Variants in IKZF2 observed in about 807,000 individuals in gnomAD.
IKZF2 encodes IKAROS family zinc finger 2.
IKZF2 carries 15 observed loss-of-function variants against 49.2 expected under a neutral mutation model. That is an observed-to-expected ratio of 0.30 (90% CI 0.20 to 0.47). IKZF2 has a LOEUF of 0.47. Ranked by LOEUF, IKZF2 falls within the 20% of genes least tolerant of loss-of-function variation. The pLI, the probability that IKZF2 is intolerant of heterozygous loss-of-function variation, is 1.00. For synonymous variants in IKZF2, 227 were observed against 221.4 expected (o/e 1.03, Z -0.23); for missense variants, 567 against 664.6 (o/e 0.85, Z 1.61).
intron 7 of IKZF2, among the ~76,000 whole-genome samples, chr2:213,016,484 C>G (rs1696617816): frequency 6.6e-6 from 1 of 152,120 alleles, no homozygotes; most frequent in South Asian, 2.1e-4. Context: ...TGTAACCAAT[C>G]TGATTTTGTT....
rs759426811 is a variant in IKZF2, at chr2:213,147,708, T to C, written c.139A>G (p.Thr47Ala). 1 of 1,610,166 alleles carries C rather than the reference T, an allele frequency of 6.2e-7. No individual in the cohort carries two copies. Among genetic ancestry groups the C allele is most frequent in the South Asian group, 1.1e-5 (1 of 91,034 alleles). Reference protein sequence around the residue: ...QHASPSHMTSTNSVKLEMQSD... With the variant: ...QHASPSHMTSANSVKLEMQSD... Reference sequence around the variant, plus strand: ...AAAAAATCATAAAATGAAGACTTACTGCTTGTCATGTGACTTGGTGAGGCA... The same window carrying C: ...AAAAAATCATAAAATGAAGACTTACCGCTTGTCATGTGACTTGGTGAGGCA... Residue 47 changes from threonine to alanine, a missense_variant and splice_region_variant, in exon 4 of 9, where the codon ACA (threonine) becomes GCA (alanine). Thr to Ala is a moderately conservative substitution (Grantham distance 58). Around this residue, in one of 5 missense-constraint regions of IKZF2, gnomAD observed 156 missense variants for 138.5 expected, o/e 1.13. Coordinates refer to ENST00000434687, the MANE Select transcript of IKZF2 (RefSeq NM_001387220.1).
intron 4 of IKZF2, among the ~76,000 whole-genome samples, chr2:213,065,674 A>C (rs536574485): frequency 1.3e-5 from 2 of 152,112 alleles, no homozygotes; most frequent in Non-Finnish European, 2.9e-5. Context: ...TCCTCATTTT[A>C]CAAATGAGGA....
chr2:213,082,285 T>C (rs1426619610), intron 4 of IKZF2, among the ~76,000 whole-genome samples: 1 of 152,202 alleles, frequency 6.6e-6, no homozygotes, highest in Admixed American at 6.5e-5. Flanking sequence ...TAAAGAATGA[T>C]CCTTACTCTC....
intron 5 of IKZF2, among the ~76,000 whole-genome samples, chr2:213,055,457 T>A (rs1701054171): frequency 1.3e-5 from 2 of 151,734 alleles, no homozygotes; most frequent in African/African-American, 4.8e-5. Flanking sequence ...AAAAAGGAGA[T>A]AAAAAACGAA....
At chr2:213,046,340 T>C (rs907288941) in intron 6 of IKZF2, among the ~76,000 whole-genome samples, 2 of 152,214 alleles carry the variant, frequency 1.3e-5, no homozygotes, top group African/African-American at 4.8e-5. Flanking sequence ...CAGAGGTCCC[T>C]AATACCTGCT....
chr2:213,075,588 A>G (rs1703165640), intron 4 of IKZF2, among the ~76,000 whole-genome samples: 1 of 152,140 alleles, frequency 6.6e-6, no homozygotes, highest in South Asian at 2.1e-4. Flanking sequence ...TCATTTGAGA[A>G]TCTGAATACA....
chr2:213,069,014 A>G (rs574634812), intron 4 of IKZF2, among the ~76,000 whole-genome samples: 205 of 152,036 alleles, frequency 1.3e-3, no homozygotes, highest in African/African-American at 4.7e-3. Context: ...AAAGTCCTTG[A>G]CTCAAATAAT....
chr2:213,046,709 T>C (rs539120715), intron 6 of IKZF2, among the ~76,000 whole-genome samples: 2 of 152,260 alleles, frequency 1.3e-5, no homozygotes, highest in South Asian at 4.1e-4. Context: ...TATGAGGATA[T>C]ATCCTTCAGA....
rs368331668 is a variant in IKZF2, at chr2:213,098,449, T to C, written c.140-41350A>G. Among the ~76,000 whole-genome samples the C allele has an allele frequency of 3.3e-4, 48 of 145,072 alleles. 1 individual carries two copies. The South Asian group carries it at 0.01, about 30-fold the overall frequency. On this transcript the variant is annotated intron_variant, in intron 4 of 8. Coordinates refer to ENST00000434687, the MANE Select transcript of IKZF2 (RefSeq NM_001387220.1). Reference sequence around the variant, plus strand: ...TGGCATTCAACCTTACACAAAATGATGGTAATCAACAAATGATCACCCTTA... The same window carrying C: ...TGGCATTCAACCTTACACAAAATGACGGTAATCAACAAATGATCACCCTTA...
At chr2:213,127,862 G>A (rs116787766) in intron 4 of IKZF2, among the ~76,000 whole-genome samples, 3,269 of 152,040 alleles carry the variant, frequency 0.022, 123 homozygotes, top group African/African-American at 0.075. Context: ...AAATATCCTA[G>A]GAACTAAAGA....
At chr2:213,150,718 T>A (rs1048956924) in intron 1 of IKZF2, among the ~76,000 whole-genome samples, 264 of 22,854 alleles carry the variant, frequency 0.012, no homozygotes, top group African/African-American at 0.013. Context: ...GGGGGGCGGG[T>A]AGAGGGGAGG....
intron 4 of IKZF2, among the ~76,000 whole-genome samples, chr2:213,110,158 T>C (rs1255906531): frequency 6.6e-6 from 1 of 151,988 alleles, no homozygotes; most frequent in Non-Finnish European, 1.5e-5. Context: ...AACTAATATT[T>C]ACTGTGGTTT....
intron 5 of IKZF2, among the ~76,000 whole-genome samples, chr2:213,055,482 TTGAC>T (rs1701057962): frequency 6.6e-6 from 1 of 152,202 alleles, no homozygotes; most frequent in East Asian, 1.9e-4. Flanking sequence ...CAAAATGTAA[TTGAC>T]TGTATGATTG....
chr2:213,096,140 A>C (rs1365331833), intron 4 of IKZF2, among the ~76,000 whole-genome samples: 1 of 151,966 alleles, frequency 6.6e-6, no homozygotes, highest in Non-Finnish European at 1.5e-5. Context: ...TTACTTGATC[A>C]AGAGAGCATC....
rs148502937 is a variant in IKZF2, at chr2:213,046,249, A to G, written c.574+3464T>C. Among the ~76,000 whole-genome samples the G allele has an allele frequency of 1.7e-4, 26 of 152,230 alleles. No individual in the cohort carries two copies. In the East Asian group the frequency reaches 4.2e-3, roughly 25 times the overall value. Reference sequence around the variant, plus strand: ...ACATATCAAAAATGTACACAACAGCATTTCCTTGGTATATTTTCCTTCCCT... The same window carrying G: ...ACATATCAAAAATGTACACAACAGCGTTTCCTTGGTATATTTTCCTTCCCT... On this transcript the variant is annotated intron_variant, in intron 6 of 8. Coordinates refer to ENST00000434687, the MANE Select transcript of IKZF2 (RefSeq NM_001387220.1).
chr2:213,059,659 A>T (rs1198874913), intron 4 of IKZF2, among the ~76,000 whole-genome samples: 1 of 151,620 alleles, frequency 6.6e-6, no homozygotes, highest in East Asian at 1.9e-4. Flanking sequence ...CTGAAAGTGT[A>T]GTTTTAGAAC....
intron 4 of IKZF2, among the ~76,000 whole-genome samples, chr2:213,144,561 T>C (rs1346055339): frequency 6.6e-6 from 1 of 151,932 alleles, no homozygotes; most frequent in Non-Finnish European, 1.5e-5. Flanking sequence ...ATATGGATTA[T>C]TTTTATATTG....
chr2:213,114,501 C>T (rs1197813420), intron 4 of IKZF2, among the ~76,000 whole-genome samples: 3 of 152,036 alleles, frequency 2.0e-5, no homozygotes, highest in Non-Finnish European at 4.4e-5. Context: ...CAAATGCCTT[C>T]CCAAAATAAA....
chr2:213,049,867 G>A lies in IKZF2; in HGVS notation c.420C>T (p.Phe140=). The change falls in exon 6 of 9, where the codon TTC becomes TTT. Residue 140 remains phenylalanine (F), a synonymous_variant. Transcript: ENST00000434687. ...HKRSHTGERP[F]HCNQCGASFT... ...AAGAAGCTCCACACTGGTTACAGTGGAAGGGGCGTTCACCTGCAGTAAGGA... is the reference window on the plus strand; with the variant it reads ...AAGAAGCTCCACACTGGTTACAGTGAAAGGGGCGTTCACCTGCAGTAAGGA... 1 of 1,580,352 alleles carries A rather than the reference G, an allele frequency of 6.3e-7. No individual in the cohort carries two copies. The highest frequency in any genetic ancestry group is 8.6e-7 in the Non-Finnish European group (1 of 1,159,832).
Sources: allele counts gnomAD v4.1 joint callset (sites outside exome capture counted in the v4.1 genomes callset), GRCh38; gene constraint gnomAD v4.1.1; regional missense constraint gnomAD v4.1.1; transcripts MANE v1.5; gene names NCBI Gene and HGNC (gene_info 2026-07-23, HGNC 2026-07-21).